The following WDR44 variants were observed in gnomAD, a reference collection of about 807,000 sequenced individuals.
WDR44 encodes the protein WD repeat-containing protein 44.
Under a neutral mutation model 65.7 loss-of-function variants are expected in WDR44, and 9 were observed. That is an observed-to-expected ratio of 0.14 (90% CI 0.08 to 0.24). WDR44 has a LOEUF of 0.24. Ranked by LOEUF, WDR44 falls within the 10% of genes least tolerant of loss-of-function variation. The pLI is 1.00. For missense variants in WDR44, 425 were observed against 670.9 expected (o/e 0.63, Z 4.05); for synonymous variants, 220 against 235.2 (o/e 0.94, Z 0.59).
rs2056996304 is a variant in WDR44 at position 118,409,641 on chromosome X, A to G, written c.1672+14A>G. ...ACAATACTGAAGGTATTTTTCATCT[A>G]TTTAAAAATCTACAGAAACCTGAAG... is the stretch of plus-strand genomic sequence containing the variant. On this transcript the variant is annotated intron_variant, in intron 11 of 19. Coordinates refer to ENST00000254029, the MANE Select transcript of WDR44 (RefSeq NM_019045.5). 2 of 1,165,285 alleles carry G rather than the reference A, an allele frequency of 1.7e-6. No homozygotes were observed. Among genetic ancestry groups the G allele is most frequent in the African/African-American group, 1.8e-5 (1 of 54,773 alleles).
chrX:118,352,333 TATATATATATATA>T lies in WDR44; in HGVS notation c.77+5754_77+5766del, dbSNP rs1234474408. 3.8e-3 allele frequency among the ~76,000 whole-genome samples: 65 copies of T among 17,000 alleles called. 1 individual carries two copies. Among genetic ancestry groups the T allele is most frequent in the African/African-American group, 0.03 (64 of 2,161 alleles). The allele number at this position is 17,000 out of a possible 115,157, so 14.8% of individuals were successfully genotyped here. On this transcript the variant is annotated intron_variant, in intron 1 of 19. Coordinates refer to ENST00000254029, the MANE Select transcript of WDR44 (RefSeq NM_019045.5). ...CCCAGCTAATTTATATATATATATATATATATATATATATATATATTTTTTTTTTTTTTTTTTT... is the reference window on the plus strand; with the variant it reads ...CCCAGCTAATTTATATATATATATATTATATATTTTTTTTTTTTTTTTTTT...
rs1282189043 is a variant in WDR44 at position 118,393,287 on chromosome X, G to T, written c.826+16G>T. Reference sequence around the variant, plus strand: ...GATATAGATGGCAAGTATTAATTGAGAAATCACTCTGTTGGTTGGGCACAG... The same window carrying T: ...GATATAGATGGCAAGTATTAATTGATAAATCACTCTGTTGGTTGGGCACAG... On this transcript the variant is annotated intron_variant, in intron 4 of 19. Transcript: ENST00000254029. 2.6e-6 allele frequency: 3 copies of T among 1,170,138 alleles called. No individual in the cohort carries two copies. In the Admixed American group the frequency reaches 7.5e-5, roughly 29 times the overall value.
chrX:118,358,620 G>A lies in WDR44; in HGVS notation c.77+12040G>A, dbSNP rs904387143. Among the ~76,000 whole-genome samples, 17 of 111,707 alleles carry A rather than the reference G, an allele frequency of 1.5e-4. No homozygotes were observed. In the East Asian group the frequency reaches 3.9e-3, roughly 26 times the overall value. ...TTTGGGAGGCTGAGGCAGGGGAATC[G>A]CTTGAACCCAGGAGGTGGAGATTGC... On this transcript the variant is annotated intron_variant, in intron 1 of 19. Transcript: ENST00000254029.
At chrX:118,386,635 T>C (rs1368668743) in intron 2 of WDR44, among the ~76,000 whole-genome samples, 1 of 111,553 alleles carries the variant, frequency 9.0e-6, no homozygotes, top group African/African-American at 3.3e-5. Context: ...TATGGAGCAA[T>C]GCTTTGGGGA....
At chrX:118,360,731 G>A (rs2056504423) in intron 1 of WDR44, among the ~76,000 whole-genome samples, 1 of 112,073 alleles carries the variant, frequency 8.9e-6, no homozygotes, top group Non-Finnish European at 1.9e-5. Context: ...CAGTTCCTTG[G>A]TGCACTGCTT....
rs1355489943 is a variant in WDR44 at position 118,443,601 on chromosome X, A to G, written c.2426A>G (p.Tyr809Cys). 8.3e-7 allele frequency: 1 copy of G among 1,210,460 alleles called. No homozygotes were observed. The highest frequency in any genetic ancestry group is 1.1e-6 in the Non-Finnish European group (1 of 894,396). The stretch of plus-strand genomic sequence containing the variant: ...CTCGTTAGTGGTTCAGAAGATAAGT[A>G]TGTTTATATCTGGAGTACCTACCAT... ...TYLVSGSEDK[Y>C]VYIWSTYHDL... Residue 809 changes from tyrosine (Y) to cysteine (C), a missense_variant, in exon 18 of 20, where the codon TAT becomes TGT. This residue lies in a region of WDR44 where 73 missense variants were observed against 187.4 expected (regional missense o/e 0.39). Coordinates refer to ENST00000254029, the MANE Select transcript of WDR44 (RefSeq NM_019045.5).
chrX:118,346,728 G>C, intron 1 of WDR44, 148 bp downstream of exon 1: 1 of 438,258 alleles, frequency 2.3e-6, no homozygotes, highest in Non-Finnish European at 3.7e-6. Context: ...CCCAGACCTG[G>C]GGCTTCTTAG....
At chrX:118,440,865 G>A (rs1287235496) in intron 14 of WDR44, among the ~76,000 whole-genome samples, 1 of 107,986 alleles carries the variant, frequency 9.3e-6, no homozygotes, top group Non-Finnish European at 1.9e-5. Context: ...TCTCCAAAGT[G>A]AATAGTGAGG....
intron 1 of WDR44, among the ~76,000 whole-genome samples, chrX:118,368,612 A>G (rs959452821): frequency 2.8e-5 from 3 of 105,930 alleles, no homozygotes; most frequent in African/African-American, 1.0e-4. Flanking sequence ...AAAGGTTTGC[A>G]TGACATCACA....
chrX:118,399,712 C>A (rs961007608), intron 8 of WDR44, among the ~76,000 whole-genome samples: 8 of 111,690 alleles, frequency 7.2e-5, no homozygotes, highest in Admixed American at 2.9e-4. Flanking sequence ...TCTGAGCTTA[C>A]TGCAAAATAG....
chrX:118,361,218 T>C (rs999511005), intron 1 of WDR44, among the ~76,000 whole-genome samples: 3 of 112,107 alleles, frequency 2.7e-5, no homozygotes, highest in Non-Finnish European at 5.6e-5. Context: ...CCTAGTTGTT[T>C]AGTTGAACAT....
At chrX:118,346,644 C>T in intron 1 of WDR44, 64 bp downstream of exon 1, 1 of 868,038 alleles carries the variant, frequency 1.2e-6, no homozygotes, top group Non-Finnish European at 1.6e-6. Flanking sequence ...CCTGTGTCTT[C>T]CCCCTACACC....
intron 1 of WDR44, among the ~76,000 whole-genome samples, chrX:118,355,545 T>C (rs1018288155): frequency 8.0e-5 from 9 of 112,247 alleles, no homozygotes; most frequent in African/African-American, 2.9e-4. Context: ...CTTTATTAGC[T>C]TGGCTTAAGG....
Position 118,409,594 on chromosome X carries a change from T to G in WDR44, c.1639T>G (p.Phe547Val). The change falls in exon 11 of 20, where the codon TTC (phenylalanine) becomes GTC (valine). Residue 547 changes from phenylalanine to valine, a missense_variant. Physicochemically the swap from Phe to Val is conservative, Grantham distance 50 (BLOSUM62 -1). Coordinates refer to ENST00000254029, the MANE Select transcript of WDR44 (RefSeq NM_019045.5). ...IWALKNAFDY[F>V]NNMRMKYNTE... ...GGCTTTAAAAAATGCTTTTGACTAT[T>G]TCAACAATATGCGAATGAAATACAA... 8.3e-7 allele frequency: 1 copy of G among 1,203,267 alleles called. No homozygotes were observed. Among genetic ancestry groups the G allele is most frequent in the Non-Finnish European group, 1.1e-6 (1 of 891,449 alleles).
intron 9 of WDR44, among the ~76,000 whole-genome samples, chrX:118,405,822 T>C (rs947937837): frequency 1.8e-5 from 2 of 111,722 alleles, no homozygotes; most frequent in Admixed American, 9.5e-5. Flanking sequence ...CTGCAGTAGA[T>C]ATTATAAGTA....
intron 2 of WDR44, among the ~76,000 whole-genome samples, chrX:118,383,769 ACCAAGTATTCTCTTAATGGTGATCAGCTT>A (rs1222054776): frequency 1.1e-5 from 1 of 89,578 alleles, no homozygotes; most frequent in Non-Finnish European, 2.1e-5. Context: ...CCCAGGCTGG[ACCAAGTATTCTCTTAATGGTGATCAGCTT>A]CCAAGTATTC....
At chrX:118,379,038 C>T (rs1322404514) in intron 2 of WDR44, among the ~76,000 whole-genome samples, 1 of 103,552 alleles carries the variant, frequency 9.7e-6, no homozygotes, top group East Asian at 3.4e-4. Context: ...AGCGAGACTC[C>T]ACCTCAAAAA....
intron 19 of WDR44, chrX:118,444,884 GC>G (rs2057333203): frequency 9.5e-6 from 3 of 316,210 alleles, no homozygotes; most frequent in Non-Finnish European, 1.8e-5. Flanking sequence ...ACAGGCATGA[GC>G]CACCAAAGAA....
chrX:118,368,974 C>T (rs2147674879), intron 1 of WDR44, among the ~76,000 whole-genome samples: 1 of 108,826 alleles, frequency 9.2e-6, no homozygotes, highest in South Asian at 4.1e-4. Flanking sequence ...ACAATCCACC[C>T]ACCTTGGCCT....
Sources: allele counts gnomAD v4.1 joint callset (sites outside exome capture counted in the v4.1 genomes callset), GRCh38; gene constraint gnomAD v4.1.1; regional missense constraint gnomAD v4.1.1; transcripts MANE v1.5; gene names NCBI Gene and HGNC (gene_info 2026-07-23, HGNC 2026-07-21).